The following DOCK1 variants were observed in gnomAD, a reference collection of about 807,000 sequenced individuals.
The protein encoded by DOCK1 is dedicator of cytokinesis protein 1.
In DOCK1, 138 loss-of-function variants were observed where a neutral mutation model predicts 262.7. The ratio of observed to expected loss-of-function variants is 0.53; its 90% CI spans 0.46 to 0.61. DOCK1 has a LOEUF of 0.61. Among genes scored for constraint, DOCK1 ranks in the 20% least tolerant of loss-of-function variants. DOCK1 has a pLI of 0.00. For missense variants in DOCK1, 1,908 were observed against 2,370.7 expected (o/e 0.80, Z 4.05); for synonymous variants, 866 against 867.4 (o/e 1.00, Z 0.03).
At chr10:127,429,021 TGCC>T (rs2069081749) in intron 47 of DOCK1, among the ~76,000 whole-genome samples, 1 of 149,392 alleles carries the variant, frequency 6.7e-6, no homozygotes, top group Non-Finnish European at 1.5e-5. Flanking sequence ...TGGATTGGGG[TGCC>T]GTGTGGATTG....
intron 27 of DOCK1, among the ~76,000 whole-genome samples, chr10:127,129,305 T>A (rs2050162550): frequency 6.6e-6 from 1 of 152,228 alleles, no homozygotes; most frequent in Non-Finnish European, 1.5e-5. Context: ...CACATTTTCC[T>A]TTTTAAAGTG....
chr10:127,374,858 T>TC (rs1458771906), intron 35 of DOCK1, among the ~76,000 whole-genome samples: 1 of 152,084 alleles, frequency 6.6e-6, no homozygotes, highest in South Asian at 2.1e-4. Flanking sequence ...CCAGGAAGGA[T>TC]CCCCCCCTAG....
At chr10:127,366,040 C>T (rs2064887156) in intron 33 of DOCK1, among the ~76,000 whole-genome samples, 1 of 152,082 alleles carries the variant, frequency 6.6e-6, no homozygotes, top group Non-Finnish European at 1.5e-5. Context: ...ACATGCCGTG[C>T]TTGGATGTAT....
At chr10:127,328,836 G>A (rs992599878) in intron 29 of DOCK1, among the ~76,000 whole-genome samples, 5 of 151,954 alleles carry the variant, frequency 3.3e-5, no homozygotes, top group Non-Finnish European at 7.4e-5. Context: ...CACACCAATG[G>A]TACAGATATG....
chr10:127,023,290 T>C lies in DOCK1; in HGVS notation c.1418T>C (p.Val473Ala). ...KTTAKNVEVT[V>A]SVYDEDGKRL... ...ACAGCGAAGAACGTGGAGGTCACGG[T>C]GTCTGTGTACGATGAGGATGGGAAA... The change falls in exon 14 of 52, where the codon GTG becomes GCG. Residue 473 changes from valine to alanine, a missense_variant. This residue lies in a region of DOCK1 where 294 missense variants were observed against 439.9 expected (regional missense o/e 0.67). Transcript: ENST00000623213. 1 of 1,613,784 alleles carries C rather than the reference T, an allele frequency of 6.2e-7. No individual in the cohort carries two copies. Among genetic ancestry groups the C allele is most frequent in the Non-Finnish European group, 8.5e-7 (1 of 1,179,758 alleles).
rs1482560971 is a variant in DOCK1, at chr10:127,012,189, G to GC, written c.1059-39dup. On this transcript the variant is annotated intron_variant, in intron 11 of 51. Coordinates refer to ENST00000623213, the MANE Select transcript of DOCK1 (RefSeq NM_001290223.2). This position sits in a 1 kb window ranked among gnomAD's most constrained non-coding sequence, Gnocchi z 4.0. ...GTTACCGTGGCCCATGGGTCTCTGT[G>GC]CCCCTTTGTCTCCTGTGGTCTTGGT... 2.8e-6 allele frequency: 3 copies of GC among 1,058,088 alleles called. No individual in the cohort carries two copies. In the South Asian group the frequency reaches 3.8e-5, roughly 13 times the overall value. 65.5% of individuals were successfully genotyped at this position (1,058,088 alleles called of 1,614,324 possible).
rs11430524 is a variant in DOCK1 at position 127,448,802 on chromosome 10, GTT to G, written c.5565+1267_5565+1268del. Reference sequence around the variant, plus strand: ...GTTTTTTTCATAATGGTGAGACATGGTTTTTTTTTTTATTTTTCTTTAATAAA... The same window carrying G: ...GTTTTTTTCATAATGGTGAGACATGGTTTTTTTTTATTTTTCTTTAATAAA... On this transcript the variant is annotated intron_variant, in intron 51 of 51. Coordinates refer to ENST00000623213, the MANE Select transcript of DOCK1 (RefSeq NM_001290223.2). Among the ~76,000 whole-genome samples, 4 of 148,354 alleles carry G rather than the reference GTT, an allele frequency of 2.7e-5. 1 individual carries two copies. Among genetic ancestry groups the G allele is most frequent in the African/African-American group, 9.9e-5 (4 of 40,500 alleles).
chr10:127,296,214 G>C (rs777416268), intron 29 of DOCK1, among the ~76,000 whole-genome samples: 1 of 152,184 alleles, frequency 6.6e-6, no homozygotes. Context: ...ATCGAAGCAG[G>C]TCAGCCCGTT....
At chr10:126,926,190 C>T (rs887048951) in intron 1 of DOCK1, among the ~76,000 whole-genome samples, 37 of 152,082 alleles carry the variant, frequency 2.4e-4, no homozygotes, top group African/African-American at 8.9e-4. Context: ...ACCATGTAAG[C>T]CTGAAAATTG....
rs1331002182 is a variant in DOCK1, at chr10:127,050,063, A to T, written c.2202-2618A>T. 2.1e-5 allele frequency among the ~76,000 whole-genome samples: 3 copies of T among 140,260 alleles called. No individual in the cohort carries two copies. In the East Asian group the frequency reaches 6.4e-4, roughly 30 times the overall value. 92.0% of individuals were successfully genotyped at this position (140,260 alleles called of 152,430 possible). A position where few individuals can be genotyped will look rare whatever the true frequency, so the allele number is the denominator to read the frequency against. ...CAGTATTTCATTGTAGGGATGTATT[A>T]CCATTTATTGAACCGGCTCTCAGAG... On this transcript the variant is annotated intron_variant, in intron 21 of 51. Coordinates refer to ENST00000623213, the MANE Select transcript of DOCK1 (RefSeq NM_001290223.2).
chr10:126,993,533 A>T (rs1157609694), intron 6 of DOCK1, among the ~76,000 whole-genome samples: 1 of 152,216 alleles, frequency 6.6e-6, no homozygotes, highest in East Asian at 1.9e-4. Flanking sequence ...TTTGGGAGGG[A>T]GGAGCTTGCT....
intron 1 of DOCK1, among the ~76,000 whole-genome samples, chr10:126,948,605 C>T (rs913602991): frequency 1.3e-5 from 2 of 152,002 alleles, no homozygotes; most frequent in Admixed American, 1.3e-4. Context: ...ATGCTCCAGG[C>T]CACAGATGGA....
At chr10:127,439,570 C>T (rs2069941050) in intron 49 of DOCK1, among the ~76,000 whole-genome samples, 1 of 152,214 alleles carries the variant, frequency 6.6e-6, no homozygotes, top group Non-Finnish European at 1.5e-5. Flanking sequence ...TGTCAGGAAA[C>T]AGTCCTTGGT....
chr10:127,340,377 T>G (rs2063377257), intron 30 of DOCK1, among the ~76,000 whole-genome samples: 1 of 152,186 alleles, frequency 6.6e-6, no homozygotes, highest in Non-Finnish European at 1.5e-5. Context: ...GCTTTCAGCA[T>G]TTATATGGGC....
chr10:127,367,738 G>A (rs957298592), intron 33 of DOCK1, among the ~76,000 whole-genome samples: 8 of 152,170 alleles, frequency 5.3e-5, no homozygotes, highest in South Asian at 2.1e-4. Context: ...GCTCCGGTCC[G>A]TTGACAGGAA....
At chr10:126,962,558 A>G (rs928866321) in intron 1 of DOCK1, among the ~76,000 whole-genome samples, 9 of 152,170 alleles carry the variant, frequency 5.9e-5, no homozygotes, top group Admixed American at 2.6e-4. Context: ...CAGCCTCCCA[A>G]AGTGCTGGGA....
intron 1 of DOCK1, among the ~76,000 whole-genome samples, chr10:126,948,676 T>G (rs1431930683): frequency 6.6e-6 from 1 of 151,898 alleles, no homozygotes; most frequent in Non-Finnish European, 1.5e-5. Context: ...AGGCACTGCT[T>G]CCCAGGAATC....
chr10:127,212,988 G>T (rs964191747), intron 27 of DOCK1, among the ~76,000 whole-genome samples: 1 of 152,174 alleles, frequency 6.6e-6, no homozygotes. Flanking sequence ...CAATAAGGAT[G>T]TATGAAGTCA....
intron 30 of DOCK1, among the ~76,000 whole-genome samples, chr10:127,339,717 G>A (rs1031028929): frequency 1.3e-5 from 1 of 74,696 alleles, no homozygotes; most frequent in Non-Finnish European, 2.7e-5. Context: ...GTGTGTGTGT[G>A]TGTGTGTGTG....
Sources: allele counts gnomAD v4.1 joint callset (sites outside exome capture counted in the v4.1 genomes callset), GRCh38; gene constraint gnomAD v4.1.1; regional missense constraint gnomAD v4.1.1; non-coding constraint Gnocchi (gnomAD v3.1); transcripts MANE v1.5; gene names NCBI Gene and HGNC (gene_info 2026-07-23, HGNC 2026-07-21).